Variants in ZNRF1 observed in about 807,000 individuals in gnomAD.
ZNRF1 encodes zinc and ring finger 1, also known as E3 ubiquitin-protein ligase ZNRF1.
Under a neutral mutation model 18.4 loss-of-function variants are expected in ZNRF1, and 3 were observed. The observed-to-expected ratio is 0.16, with a 90% confidence interval of 0.07 to 0.42. The LOEUF (loss-of-function observed/expected upper bound fraction) is 0.42. Among genes scored for constraint, ZNRF1 ranks in the 10% least tolerant of loss-of-function variants. The probability of loss-of-function intolerance (pLI) is 0.99; values close to 1 mark genes in which losing one functional copy is unlikely to be tolerated. For missense variants in ZNRF1, 310 were observed against 329.8 expected, an observed-to-expected ratio of 0.94 and a Z score of 0.47; for synonymous variants, 157 against 144.2, an observed-to-expected ratio of 1.09 and a Z score of -0.64.
At chr16:75,037,955 C>G (rs961662579) in intron 1 of ZNRF1, among the ~76,000 whole-genome samples, 2 of 152,092 alleles carry the variant, frequency 1.3e-5, no homozygotes, top group Non-Finnish European at 2.9e-5. Context: ...TGCTTGTGAA[C>G]ACTTATTTTC....
At chr16:75,032,189 A>G (rs567113885) in intron 1 of ZNRF1, among the ~76,000 whole-genome samples, 19 of 139,058 alleles carry the variant, frequency 1.4e-4, no homozygotes, top group Non-Finnish European at 2.6e-4. Context: ...AGCTTACTAC[A>G]CCCTCCGTCT....
At chr16:75,089,917 G>A (rs144570791) in intron 1 of ZNRF1, among the ~76,000 whole-genome samples, 448 of 152,292 alleles carry the variant, frequency 2.9e-3, no homozygotes, top group African/African-American at 0.01. Context: ...CCTTGAATCT[G>A]TTCTGAGTTA....
At chr16:75,015,260 A>G (rs900423684) in intron 1 of ZNRF1, among the ~76,000 whole-genome samples, 1 of 152,194 alleles carries the variant, frequency 6.6e-6, no homozygotes, top group African/African-American at 2.4e-5. Flanking sequence ...AGTTTTAAAA[A>G]TTTGCACTTT....
chr16:75,070,021 C>T (rs1357370019), intron 1 of ZNRF1, among the ~76,000 whole-genome samples: 1 of 152,196 alleles, frequency 6.6e-6, no homozygotes, highest in Admixed American at 6.5e-5. Context: ...ATAACATGTC[C>T]AAGAGAGTAA....
intron 1 of ZNRF1, among the ~76,000 whole-genome samples, chr16:75,084,156 A>G (rs550796800): frequency 1.9e-4 from 29 of 152,332 alleles, no homozygotes; most frequent in Admixed American, 5.9e-4. Flanking sequence ...GGGTGTGTGC[A>G]CGTTCTTCCG....
At chr16:75,006,707 A>G (rs775649835) in intron 1 of ZNRF1, among the ~76,000 whole-genome samples, 3 of 152,228 alleles carry the variant, frequency 2.0e-5, no homozygotes, top group Non-Finnish European at 4.4e-5. Context: ...GAGTGCTGGC[A>G]TTACAGGCAT....
chr16:75,099,205 G>A (rs1439944704), intron 2 of ZNRF1, among the ~76,000 whole-genome samples: 3 of 152,196 alleles, frequency 2.0e-5, no homozygotes, highest in African/African-American at 4.8e-5. Context: ...GAGCTTATCC[G>A]AAGATCCCCA....
intron 1 of ZNRF1, among the ~76,000 whole-genome samples, chr16:75,081,518 C>T (rs2036012368): frequency 6.6e-6 from 1 of 152,170 alleles, no homozygotes; most frequent in Admixed American, 6.5e-5. Context: ...TTATGAGGAA[C>T]AGGCAGGGGA....
intron 1 of ZNRF1, among the ~76,000 whole-genome samples, chr16:75,073,118 ATCTCTCTCTCTC>A (rs374451771): frequency 7.8e-6 from 1 of 128,374 alleles, no homozygotes; most frequent in Non-Finnish European, 1.6e-5. Flanking sequence ...GTGAGACCCC[ATCTCTCTCTCTC>A]TCTCTCTCTC....
At chr16:75,019,435 G>T (rs1454681761) in intron 1 of ZNRF1, among the ~76,000 whole-genome samples, 1 of 151,862 alleles carries the variant, frequency 6.6e-6, no homozygotes, top group Non-Finnish European at 1.5e-5. Flanking sequence ...TTTTAAGTTG[G>T]CCTCTAACTT....
chr16:75,090,667 A>G (rs2036126572), intron 1 of ZNRF1, among the ~76,000 whole-genome samples: 1 of 152,190 alleles, frequency 6.6e-6, no homozygotes, highest in Non-Finnish European at 1.5e-5. Context: ...CTCTGAGGAA[A>G]GAGGTTGGGG....
intron 2 of ZNRF1, chr16:75,095,735 G>A (rs2036190146): frequency 6.5e-7 from 1 of 1,533,732 alleles, no homozygotes; most frequent in Non-Finnish European, 8.8e-7. Context: ...CCACTGCCCT[G>A]TGGAGAACCG....
chr16:75,068,979 A>T (rs572598663), intron 1 of ZNRF1, among the ~76,000 whole-genome samples: 117 of 150,394 alleles, frequency 7.8e-4, no homozygotes, highest in Non-Finnish European at 1.2e-3. Flanking sequence ...CCCTCTCTTC[A>T]TTCAGAAAAT....
intron 1 of ZNRF1, among the ~76,000 whole-genome samples, chr16:75,036,598 C>T (rs1478467302): frequency 9.5e-5 from 13 of 137,248 alleles, no homozygotes; most frequent in Non-Finnish European, 1.6e-4. Context: ...CTCCTTCTTT[C>T]CTTCATTTGG....
chr16:75,005,844 G>T (rs890922844), intron 1 of ZNRF1, among the ~76,000 whole-genome samples: 3 of 152,064 alleles, frequency 2.0e-5, no homozygotes, highest in East Asian at 3.9e-4. Context: ...TAATGACAGG[G>T]ATACTTTCTG....
chr16:75,048,360 AT>A (rs1254192175), intron 1 of ZNRF1, among the ~76,000 whole-genome samples: 2 of 152,192 alleles, frequency 1.3e-5, no homozygotes, highest in African/African-American at 4.8e-5. Flanking sequence ...ATATAGTCAC[AT>A]TCTGAAGTAC....
intron 3 of ZNRF1, 176 bp downstream of exon 3, chr16:75,105,065 G>A (rs1387998000): frequency 1.1e-5 from 6 of 567,708 alleles, no homozygotes; most frequent in Admixed American, 5.7e-5. Flanking sequence ...GGGAAGGTGC[G>A]AGCATCCCAA....
At chr16:75,050,608 C>G (rs997117386) in intron 1 of ZNRF1, among the ~76,000 whole-genome samples, 4 of 151,894 alleles carry the variant, frequency 2.6e-5, no homozygotes, top group Non-Finnish European at 5.9e-5. Context: ...GTGGCTCACG[C>G]CTGTAATCCC....
intron 1 of ZNRF1, among the ~76,000 whole-genome samples, chr16:75,033,933 G>A (rs2035341895): frequency 6.6e-6 from 1 of 151,828 alleles, no homozygotes; most frequent in East Asian, 1.9e-4. Flanking sequence ...GATTGCCTGA[G>A]CTCAGGAGTT....
Sources: gnomAD v4.1 joint callset for allele counts (sites outside exome capture counted in the v4.1 genomes callset) on GRCh38, gnomAD v4.1.1 for gene constraint, MANE v1.5 for transcripts, NCBI Gene and HGNC (gene_info 2026-07-23, HGNC 2026-07-21) for gene names.